Variants in NF1 observed in about 807,000 individuals in gnomAD.
The protein encoded by NF1 is neurofibromin 1, also known as neurofibromin.
In NF1, 122 loss-of-function variants were observed where a neutral mutation model predicts 325.7. The observed-to-expected ratio is 0.37, with a 90% CI of 0.32 to 0.44. The LOEUF (loss-of-function observed/expected upper bound fraction) is 0.44, where lower values mean the gene tolerates loss of function less well. Ranked by LOEUF, NF1 falls within the 20% of genes least tolerant of loss-of-function variation. NF1 has a pLI of 1.00. For synonymous variants in NF1, 1,091 were observed against 1,186.0 expected (o/e 0.92, Z 1.65); for missense variants, 2,140 against 3,415.4 (o/e 0.63, Z 9.31).
chr17:31,338,596 A>G lies in NF1; in HGVS notation c.6820-108A>G, dbSNP rs1305739432. 4.0e-6 allele frequency: 3 copies of G among 756,210 alleles called. No individual in the cohort carries two copies. In the African/African-American group the frequency reaches 5.2e-5, roughly 13 times the overall value. 46.8% of individuals were successfully genotyped at this position (756,210 alleles called of 1,614,324 possible). Reference sequence around the variant, plus strand: ...TCACCATAGCATGAGAAATCATTCTAGCATTTATTAAATAAGTAAATGTTC... The same window carrying G: ...TCACCATAGCATGAGAAATCATTCTGGCATTTATTAAATAAGTAAATGTTC... On this transcript the variant is annotated intron_variant, in intron 45 of 57. Transcript: ENST00000358273.
intron 36 of NF1, among the ~76,000 whole-genome samples, chr17:31,271,087 C>G (rs2067885390): frequency 6.6e-6 from 1 of 152,228 alleles, no homozygotes. Context: ...AAGCTCTTAA[C>G]AAATGCACTA....
intron 48 of NF1, 87 bp downstream of exon 48, chr17:31,343,222 G>A: frequency 1.5e-6 from 2 of 1,316,082 alleles, no homozygotes; most frequent in Non-Finnish European, 2.1e-6. Flanking sequence ...GAAATAAATT[G>A]AAGTAAGTTA....
At chr17:31,171,987 GTATA>G (rs2065934346) in intron 5 of NF1, among the ~76,000 whole-genome samples, 1 of 152,254 alleles carries the variant, frequency 6.6e-6, no homozygotes, top group African/African-American at 2.4e-5. Context: ...GAGAGAGGAA[GTATA>G]TATTTGTTTG....
chr17:31,334,829 T>G lies in NF1; in HGVS notation c.5813-9T>G, dbSNP rs778521387. On this transcript the variant is annotated splice_polypyrimidine_tract_variant and intron_variant, in intron 39 of 57. Transcript: ENST00000358273. ...GACCATCACATGCTAATAGTGTATT[T>G]TTTTCCAGGTATTGAATTGAAACAC... The G allele has an allele frequency of 1.2e-6, 2 of 1,609,020 alleles. No homozygotes were observed. The highest frequency in any genetic ancestry group is 3.3e-5 in the Admixed American group (2 of 59,998).
intron 2 of NF1, among the ~76,000 whole-genome samples, chr17:31,156,950 T>A (rs2065673843): frequency 1.3e-5 from 2 of 152,212 alleles, no homozygotes; most frequent in Non-Finnish European, 2.9e-5. Flanking sequence ...AACTCTCTGC[T>A]GGTGTTTAGC....
chr17:31,189,621 A>G (rs2066304521), intron 8 of NF1, among the ~76,000 whole-genome samples: 1 of 152,186 alleles, frequency 6.6e-6, no homozygotes, highest in Admixed American at 6.5e-5. Flanking sequence ...CATTTCATAC[A>G]AATGGAATCA....
intron 36 of NF1, among the ~76,000 whole-genome samples, chr17:31,288,522 GT>G (rs200926157): frequency 1.2e-3 from 148 of 119,652 alleles, no homozygotes; most frequent in African/African-American, 1.9e-3. Flanking sequence ...TTTTTGCTTT[GT>G]TTTTTTTTTT....
Position 31,223,825 on chromosome 17 carries a change from G to A in NF1, c.1845+258G>A, listed in dbSNP as rs555720129. On this transcript the variant is annotated intron_variant, in intron 16 of 57. Transcript: ENST00000358273. ...AGTTAAATAGGTCTCTATGGGGCAGGCCTAGGAAAAGTGGGGGCTGCTATA... is the reference window on the plus strand; with the variant it reads ...AGTTAAATAGGTCTCTATGGGGCAGACCTAGGAAAAGTGGGGGCTGCTATA... Among the ~76,000 whole-genome samples, 12 of 152,252 alleles carry A rather than the reference G, an allele frequency of 7.9e-5. No individual in the cohort carries two copies. In the East Asian group the frequency reaches 1.9e-3, roughly 24 times the overall value.
rs1042922425 is a variant in NF1, at chr17:31,283,910, T to C, written c.4835+18571T>C. 3.3e-5 allele frequency among the ~76,000 whole-genome samples: 5 copies of C among 152,206 alleles called. No homozygotes were observed. In the South Asian group the frequency reaches 8.3e-4, roughly 25 times the overall value. On this transcript the variant is annotated intron_variant, in intron 36 of 57. Coordinates refer to ENST00000358273, the MANE Select transcript of NF1 (RefSeq NM_001042492.3). The stretch of plus-strand genomic sequence containing the variant: ...CAGAAGATTTCTTGAGTGGTTTTGT[T>C]TTCTGTGATAACTTGGTTTATATAA...
At chr17:31,304,165 C>A (rs2068642901) in intron 36 of NF1, 3 of 1,237,312 alleles carry the variant, frequency 2.4e-6, no homozygotes, top group African/African-American at 1.5e-5. Context: ...GAATAAAAAT[C>A]AAAATTGACT....
chr17:31,243,182 GTC>G (rs2067331192), intron 29 of NF1, among the ~76,000 whole-genome samples: 3 of 144,970 alleles, frequency 2.1e-5, no homozygotes, highest in African/African-American at 8.1e-5. Flanking sequence ...CTCTCTCTCT[GTC>G]TGTGTGTGTG....
At chr17:31,297,451 G>A (rs1359784691) in intron 36 of NF1, 1 of 152,134 alleles carries the variant, frequency 6.6e-6, no homozygotes, top group Non-Finnish European at 1.5e-5. Context: ...GCTATAGGAT[G>A]GGATACCTTA....
chr17:31,248,625 C>T (rs1285845285), intron 29 of NF1, among the ~76,000 whole-genome samples: 2 of 152,122 alleles, frequency 1.3e-5, no homozygotes, highest in East Asian at 3.9e-4. Flanking sequence ...GCCTCCACCT[C>T]CCAGGTTCAA....
At chr17:31,153,987 G>T (rs1917131353) in intron 1 of NF1, among the ~76,000 whole-genome samples, 1 of 148,242 alleles carries the variant, frequency 6.7e-6, no homozygotes, top group South Asian at 2.1e-4. Context: ...GAGGGACCTT[G>T]TCCCTTCATT....
In NF1 at chr17:31,184,658, AAT is replaced by A. The variant is rs1275650714; in HGVS notation, c.888+1995_888+1996del. On this transcript the variant is annotated intron_variant, in intron 8 of 57. Coordinates refer to ENST00000358273, the MANE Select transcript of NF1 (RefSeq NM_001042492.3). ...GCGAGACTCCGTCTCAAAAAAAAAA[AAT>A]AAAAAAAAAAAATAAAAAAATAAAA... Among the ~76,000 whole-genome samples the A allele has an allele frequency of 4.7e-5, 7 of 147,886 alleles. 2 individuals carry two copies. The highest frequency in any genetic ancestry group is 6.0e-5 in the Non-Finnish European group (4 of 67,198).
chr17:31,261,976 C>T, intron 35 of NF1, 119 bp downstream of exon 35: 1 of 956,828 alleles, frequency 1.0e-6, no homozygotes, highest in South Asian at 1.5e-5. Flanking sequence ...TTAATAATCA[C>T]ATTGCCATGT....
chr17:31,148,594 C>T (rs536538743), intron 1 of NF1, among the ~76,000 whole-genome samples: 1 of 152,064 alleles, frequency 6.6e-6, no homozygotes, highest in South Asian at 2.1e-4. Context: ...TTTTAAAGTA[C>T]AAAATAAAAT....
intron 57 of NF1, chr17:31,362,311 C>G (rs536128675): frequency 1.0e-6 from 1 of 985,432 alleles, no homozygotes; most frequent in South Asian, 4.7e-5. Context: ...TGAATTCCTT[C>G]CTGCTTCCCC....
intron 36 of NF1, among the ~76,000 whole-genome samples, chr17:31,282,710 T>C (rs1005059088): frequency 6.6e-6 from 1 of 152,212 alleles, no homozygotes; most frequent in Non-Finnish European, 1.5e-5. Context: ...AGCTGAATAA[T>C]ATTCTATTGT....
Sources: gnomAD v4.1 joint callset for allele counts (sites outside exome capture counted in the v4.1 genomes callset) on GRCh38, gnomAD v4.1.1 for gene constraint, MANE v1.5 for transcripts, NCBI Gene and HGNC (gene_info 2026-07-23, HGNC 2026-07-21) for gene names.